OR6Y1: variants seen among roughly 807,000 people sequenced by gnomAD.
OR6Y1 encodes the protein olfactory receptor family 6 subfamily Y member 1.
In OR6Y1, 1 loss-of-function variant was observed where a neutral mutation model predicts 0.4. That is an observed-to-expected ratio of 2.74 (90% confidence interval 0.97 to 13.02). The LOEUF (loss-of-function observed/expected upper bound fraction) is 13.02. Among genes scored for constraint, OR6Y1 ranks in the 30% most tolerant of loss-of-function variants. The probability of loss-of-function intolerance (pLI) is 0.12; values close to 1 mark genes in which losing one functional copy is unlikely to be tolerated. For missense variants in OR6Y1, 480 were observed against 399.8 expected (o/e 1.20, Z -1.71); for synonymous variants, 173 against 141.1 (o/e 1.23, Z -1.60).
intron 1 of OR6Y1, among the ~76,000 whole-genome samples, chr1:158,550,084 G>A (rs1647663358): frequency 6.6e-6 from 1 of 151,582 alleles, no homozygotes; most frequent in Non-Finnish European, 1.5e-5. Flanking sequence ...AAAATATTCT[G>A]GAAAACTACA....
Position 158,547,349 on chromosome 1 carries a change from C to T in OR6Y1, c.757G>A (p.Val253Ile), listed in dbSNP as rs778416815. The change falls in exon 2 of 2, where the codon GTA becomes ATA. Residue 253 changes from valine to isoleucine, a missense_variant. Val to Ile is a conservative substitution (Grantham distance 29). Coordinates refer to ENST00000641622, the MANE Select transcript of OR6Y1 (RefSeq NM_001005189.2). Reference protein sequence around the residue: ...FSTCASHLTVVILFYSMTLFT... With the variant: ...FSTCASHLTVIILFYSMTLFT... ...AGTGTCATGGAATAGAAGAGAATTA[C>T]GACGGTCAGGTGGGAGGCACAGGTG... 1.2e-5 allele frequency: 19 copies of T among 1,613,352 alleles called. No homozygotes were observed. Among genetic ancestry groups the T allele is most frequent in the Admixed American group, 8.3e-5 (5 of 59,960 alleles).
chr1:158,551,227 G>T (rs1011289354), intron 1 of OR6Y1, among the ~76,000 whole-genome samples: 1 of 151,496 alleles, frequency 6.6e-6, no homozygotes, highest in Non-Finnish European at 1.5e-5. Flanking sequence ...CAGGCTGAGA[G>T]CCAAGAGTCA....
Position 158,547,290 on chromosome 1 carries a change from G to C in OR6Y1, c.816C>G (p.Ala272=), listed in dbSNP as rs762196183. 27 of 1,613,504 alleles carry C rather than the reference G, an allele frequency of 1.7e-5. No homozygotes were observed. Among genetic ancestry groups the C allele is most frequent in the Non-Finnish European group, 2.2e-5 (26 of 1,179,972 alleles). The change falls in exon 2 of 2, where the codon GCC becomes GCG. Residue 272 remains alanine, a synonymous_variant. Coordinates refer to ENST00000641622, the MANE Select transcript of OR6Y1 (RefSeq NM_001005189.2). ...FTYARPKLMY[A]YNSNKVVSVL... ...CAGATACCACTTTGTTGGAATTGTA[G>C]GCATACATGAGTTTGGGACGGGCAT...
Position 158,547,843 on chromosome 1 carries a change from A to T in OR6Y1, c.263T>A (p.Val88Asp). Residue 88 changes from valine to aspartate, a missense_variant, in exon 2 of 2, where the codon GTT (valine) becomes GAT (aspartate). Coordinates refer to ENST00000641622, the MANE Select transcript of OR6Y1 (RefSeq NM_001005189.2). The part of the protein sequence containing the change: ...YVTVISPKML[V>D]DFLSHDKSIS... ...ACTCTTGTCATGACTGAGGAAGTCA[A>T]CAAGCATCTTGGGGCTGATGACTGT... 1.9e-6 allele frequency: 3 copies of T among 1,613,666 alleles called. No individual in the cohort carries two copies. The highest frequency in any genetic ancestry group is 2.5e-6 in the Non-Finnish European group (3 of 1,180,014).
At chr1:158,553,380 T>A (rs1004544094) in intron 1 of OR6Y1, among the ~76,000 whole-genome samples, 2 of 152,110 alleles carry the variant, frequency 1.3e-5, no homozygotes, top group African/African-American at 2.4e-5. Flanking sequence ...AATAATATGA[T>A]ACATAGTTTC....
At chr1:158,553,393 A>G (rs775226497) in intron 1 of OR6Y1, among the ~76,000 whole-genome samples, 37 of 152,160 alleles carry the variant, frequency 2.4e-4, no homozygotes, top group Non-Finnish European at 4.1e-4. Flanking sequence ...ATAGTTTCAA[A>G]TAGCTAGATA....
Position 158,547,654 on chromosome 1 carries a change from C to T in OR6Y1, c.452G>A (p.Gly151Glu), listed in dbSNP as rs747072395. 1.4e-5 allele frequency: 23 copies of T among 1,613,448 alleles called. No individual in the cohort carries two copies. In the South Asian group the frequency reaches 2.0e-4, roughly 14 times the overall value. Residue 151 changes from glycine to glutamate, a missense_variant, in exon 2 of 2, where the codon GGA (glycine) becomes GAA (glutamate). Coordinates refer to ENST00000641622, the MANE Select transcript of OR6Y1 (RefSeq NM_001005189.2). ...CATGAGTCCACAGAACCAGCATCCTCCAGCCAGTGTGCCACAGAGCTGGTT... is the reference window on the plus strand; with the variant it reads ...CATGAGTCCACAGAACCAGCATCCTTCAGCCAGTGTGCCACAGAGCTGGTT... ...MTNQLCGTLA[G>E]GCWFCGLMTA...
rs202124110 is a variant in OR6Y1 at position 158,550,319 on chromosome 1, G to T, written c.-1432-782C>A. ...TTAAGAATAAGAATAAGTAAATAAAGTGGGGATATTTTCACAGAACTATGC... is the reference window on the plus strand; with the variant it reads ...TTAAGAATAAGAATAAGTAAATAAATTGGGGATATTTTCACAGAACTATGC... On this transcript the variant is annotated intron_variant, in intron 1 of 1. Transcript: ENST00000641622. Among the ~76,000 whole-genome samples the T allele has an allele frequency of 1.6e-4, 17 of 107,076 alleles. No individual in the cohort carries two copies. The East Asian group carries it at 4.9e-3, about 31-fold the overall frequency. The allele number at this position is 107,076 out of a possible 152,430, so 70.2% of individuals were successfully genotyped here.
chr1:158,551,528 C>T (rs1290767206), intron 1 of OR6Y1, among the ~76,000 whole-genome samples: 1 of 151,560 alleles, frequency 6.6e-6, no homozygotes, highest in African/African-American at 2.4e-5. Flanking sequence ...CCCCAATTGT[C>T]TTATACAATT....
intron 1 of OR6Y1, among the ~76,000 whole-genome samples, chr1:158,553,608 T>A (rs1044782002): frequency 2.0e-5 from 3 of 152,098 alleles, no homozygotes. Flanking sequence ...TTATAAGCCA[T>A]CTGATCCTCC....
rs1647636271 is a variant in OR6Y1 at position 158,549,196 on chromosome 1, T to C, written c.-1091A>G. The stretch of plus-strand genomic sequence containing the variant: ...CAGAGAAAACAAGCAAGAATTCTAT[T>C]AGTGACTCTTCTGCATTTCTGTTCA... On this transcript the variant is annotated 5_prime_UTR_variant, in exon 2 of 2. The change abolishes the stop of an existing upstream ORF in the 5' untranslated region. Transcript: ENST00000641622. 6.6e-6 allele frequency: 1 copy of C among 151,832 alleles called. No individual in the cohort carries two copies. The highest frequency in any genetic ancestry group is 1.5e-5 in the Non-Finnish European group (1 of 68,050). The allele number at this position is 151,832 out of a possible 1,614,324, so 9.4% of individuals were successfully genotyped here.
In OR6Y1 at chr1:158,548,318, T is replaced by C; in HGVS notation, c.-213A>G. 1 of 533,028 alleles carries C rather than the reference T, an allele frequency of 1.9e-6. No homozygotes were observed. Among genetic ancestry groups the C allele is most frequent in the Non-Finnish European group, 3.3e-6 (1 of 305,814 alleles). The allele number at this position is 533,028 out of a possible 1,614,324, so 33.0% of individuals were successfully genotyped here. ...TTATATTTTAACTTGTTTTCAGATT[T>C]TCTCAAGAGCAGTAACTTGTCCAAG... is the stretch of plus-strand genomic sequence containing the variant. On this transcript the variant is annotated 5_prime_UTR_variant, in exon 2 of 2. Coordinates refer to ENST00000641622, the MANE Select transcript of OR6Y1 (RefSeq NM_001005189.2).
chr1:158,551,404 C>T (rs901736493), intron 1 of OR6Y1, among the ~76,000 whole-genome samples: 1 of 151,336 alleles, frequency 6.6e-6, no homozygotes, highest in Non-Finnish European at 1.5e-5. Flanking sequence ...TTTTTTTCCT[C>T]AGATAAGGAA....
In OR6Y1 at chr1:158,547,589, A is replaced by G; in HGVS notation, c.517T>C (p.Tyr173His). Residue 173 changes from tyrosine (Y) to histidine (H), a missense_variant, in exon 2 of 2, where the codon TAC becomes CAC. Transcript: ENST00000641622. ...IKMVFIAQLH[Y>H]CGMPQINHYF... ...TGATTGATCTGAGGCATGCCACAGTAGTGAAGTTGTGCTATAAAAACCATC... is the reference window on the plus strand; with the variant it reads ...TGATTGATCTGAGGCATGCCACAGTGGTGAAGTTGTGCTATAAAAACCATC... 1 of 1,613,280 alleles carries G rather than the reference A, an allele frequency of 6.2e-7. No homozygotes were observed. Among genetic ancestry groups the G allele is most frequent in the South Asian group, 1.1e-5 (1 of 91,060 alleles).
chr1:158,552,368 A>G (rs1647726367), intron 1 of OR6Y1, among the ~76,000 whole-genome samples: 2 of 151,852 alleles, frequency 1.3e-5, no homozygotes, highest in Admixed American at 6.6e-5. Context: ...GGAAAATACA[A>G]TTGGAATTTA....
Position 158,548,966 on chromosome 1 carries a change from T to C in OR6Y1, c.-861A>G, listed in dbSNP as rs1647629071. ...TGTGACCTTTCCAGGCTACTTTACT[T>C]ACCCCACATACATAGCTCCTCCTCC... On this transcript the variant is annotated 5_prime_UTR_variant, in exon 2 of 2. An upstream open reading frame in the 5' UTR loses its in-frame stop. Transcript: ENST00000641622. 2 of 151,526 alleles carry C rather than the reference T, an allele frequency of 1.3e-5. No homozygotes were observed. Among genetic ancestry groups the C allele is most frequent in the Admixed American group, 6.6e-5 (1 of 15,204 alleles). The allele number at this position is 151,526 out of a possible 1,614,324, so 9.4% of individuals were successfully genotyped here. A position where few individuals can be genotyped will look rare whatever the true frequency, so the allele number is the denominator to read the frequency against.
chr1:158,553,692 C>T (rs949503401), intron 1 of OR6Y1, among the ~76,000 whole-genome samples: 1 of 152,134 alleles, frequency 6.6e-6, no homozygotes, highest in Admixed American at 6.5e-5. Context: ...TACCTATGTT[C>T]TACCCACCAC....
At position 158,545,448 on chromosome 1, in the gene OR6Y1, G is replaced by A. The variant is rs1220076213; in HGVS notation, c.*1680C>T. 1 of 151,306 alleles carries A rather than the reference G, an allele frequency of 6.6e-6. No homozygotes were observed. Among genetic ancestry groups the A allele is most frequent in the Non-Finnish European group, 1.5e-5 (1 of 67,894 alleles). 9.4% of individuals were successfully genotyped at this position (151,306 alleles called of 1,614,324 possible). On this transcript the variant is annotated 3_prime_UTR_variant, in exon 2 of 2. Transcript: ENST00000641622. Reference sequence around the variant, plus strand: ...CATATGTAACAAACCTGCACGTTGTGCACATGTACCCTAAAACTTAAAGTA... The same window carrying A: ...CATATGTAACAAACCTGCACGTTGTACACATGTACCCTAAAACTTAAAGTA...
rs1184510830 is a variant in OR6Y1 at position 158,549,287 on chromosome 1, A to G, written c.-1182T>C. ...GATAATCATTCCCAAACCCATTGAT[A>G]CTAAACACCTTCCCATTTCAAGTCT... On this transcript the variant is annotated 5_prime_UTR_variant, in exon 2 of 2. Transcript: ENST00000641622. 2 of 151,808 alleles carry G rather than the reference A, an allele frequency of 1.3e-5. No homozygotes were observed. The highest frequency in any genetic ancestry group is 3.2e-3 in the Middle Eastern group (1 of 316). 9.4% of individuals were successfully genotyped at this position (151,808 alleles called of 1,614,324 possible).
Sources: gnomAD v4.1 joint callset for allele counts (sites outside exome capture counted in the v4.1 genomes callset) on GRCh38, gnomAD v4.1.1 for gene constraint, MANE v1.5 for transcripts, NCBI Gene and HGNC (gene_info 2026-07-23, HGNC 2026-07-21) for gene names.